Variants in MAPK15 observed in about 807,000 individuals in gnomAD.
MAPK15 encodes mitogen-activated protein kinase 15, also known as ERK-7.
Under a neutral mutation model 60.8 loss-of-function variants are expected in MAPK15, and 61 were observed. That is an observed-to-expected ratio of 1.00 (90% CI 0.82 to 1.24). The LOEUF (loss-of-function observed/expected upper bound fraction) is 1.24. MAPK15 is among the 50% of genes most tolerant of loss of function. The probability of loss-of-function intolerance (pLI) is 0.00; values close to 1 mark genes in which losing one functional copy is unlikely to be tolerated. For missense variants in MAPK15, 808 were observed against 741.1 expected, an observed-to-expected ratio of 1.09 and a Z score of -1.05; for synonymous variants, 356 against 319.9, an observed-to-expected ratio of 1.11 and a Z score of -1.21.
At position 143,721,851 on chromosome 8, in the gene MAPK15, G is replaced by C. The variant is rs376274608; in HGVS notation, c.1429G>C (p.Gly477Arg). ...ALIRGDWNRG[G>R]GVRVASVQQV... Reference sequence around the variant, plus strand: ...GATCCGGGGTGACTGGAACCGGGGCGGTGGGGTGAGGGTGGCCAGCGTACA... The same window carrying C: ...GATCCGGGGTGACTGGAACCGGGGCCGTGGGGTGAGGGTGGCCAGCGTACA... The change falls in exon 13 of 14, where the codon GGT becomes CGT. Residue 477 changes from glycine to arginine, a missense_variant. Coordinates refer to ENST00000338033, the MANE Select transcript of MAPK15 (RefSeq NM_139021.3). 1.9e-5 allele frequency: 30 copies of C among 1,603,576 alleles called. No individual in the cohort carries two copies. In the African/African-American group the frequency reaches 3.6e-4, roughly 19 times the overall value.
intron 1 of MAPK15, 103 bp from the exon 2 acceptor site, chr8:143,717,591 G>A (rs1364213623): frequency 2.4e-5 from 24 of 1,005,524 alleles, no homozygotes; most frequent in Non-Finnish European, 3.5e-5. Context: ...TCCCCTCTCG[G>A]GACCCAGGAT....
intron 5 of MAPK15, 41 bp downstream of exon 5, chr8:143,718,946 CCCGG>C: frequency 6.3e-7 from 1 of 1,597,264 alleles, no homozygotes; most frequent in East Asian, 2.2e-5. Context: ...TGGCCCGGCT[CCCGG>C]CCCCACCCAG....
chr8:143,720,236 T>TCA lies in MAPK15; in HGVS notation c.728_729insCA (p.Ala244ArgfsTer51). On this transcript the variant is annotated frameshift_variant, in exon 8 of 14. Coordinates refer to ENST00000338033, the MANE Select transcript of MAPK15 (RefSeq NM_139021.3). LOFTEE classifies it high-confidence loss of function. This position sits in a 1 kb window ranked among gnomAD's most constrained non-coding sequence, Gnocchi z 4.6. ...CCACCTTCTGCTGCCCCAGACCTCC[T>TCA]GGCTCTCGGCTCAGGCTGCCGTGCC... 1.3e-6 allele frequency: 2 copies of TCA among 1,579,598 alleles called. No individual in the cohort carries two copies. The highest frequency in any genetic ancestry group is 1.7e-4 in the Middle Eastern group (1 of 5,994).
At chr8:143,718,741 C>A in intron 4 of MAPK15, 34 bp from the exon 5 acceptor site, 3 of 1,394,378 alleles carry the variant, frequency 2.2e-6, no homozygotes, top group South Asian at 1.4e-5. Flanking sequence ...CCCCAGCCCC[C>A]CACCCCCGAC....
At chr8:143,719,608 G>C (rs1817968464) in intron 7 of MAPK15, 126 bp downstream of exon 7, 2 of 1,294,260 alleles carry the variant, frequency 1.5e-6, no homozygotes, top group Non-Finnish European at 1.0e-6. Flanking sequence ...AGGATCCAGA[G>C]GATGGGGCAG....
rs1554618783 is a variant in MAPK15 at position 143,718,199 on chromosome 8, ACT to A, written c.196-7_196-6del. On this transcript the variant is annotated splice_polypyrimidine_tract_variant and intron_variant, in intron 3 of 13. Coordinates refer to ENST00000338033, the MANE Select transcript of MAPK15 (RefSeq NM_139021.3). The stretch of plus-strand genomic sequence containing the variant: ...CCTCCTGGCCTTCCAGCCGCCTCCG[ACT>A]CTCTCCCCAGGAGTTTGGGGACCAT... The A allele has an allele frequency of 1.9e-6, 3 of 1,612,824 alleles. No individual in the cohort carries two copies. Among genetic ancestry groups the A allele is most frequent in the South Asian group, 1.1e-5 (1 of 91,002 alleles).
Position 143,720,164 on chromosome 8 carries a change from C to T in MAPK15, c.722-66C>T. On this transcript the variant is annotated intron_variant, in intron 7 of 13. Coordinates refer to ENST00000338033, the MANE Select transcript of MAPK15 (RefSeq NM_139021.3). This position sits in a 1 kb window ranked among gnomAD's most constrained non-coding sequence, Gnocchi z 4.6. ...CTGGGGCTGGAAGAGATGACTGGCC[C>T]CAGATGCCCTGAGCCGCCCCAGCCG... The T allele has an allele frequency of 1.3e-6, 2 of 1,539,086 alleles. No individual in the cohort carries two copies. Among genetic ancestry groups the T allele is most frequent in the South Asian group, 2.4e-5 (2 of 83,910 alleles).
intron 6 of MAPK15, 54 bp from the exon 7 acceptor site, chr8:143,719,289 C>A: frequency 2.6e-6 from 4 of 1,553,560 alleles, no homozygotes. Flanking sequence ...CCAGCAACCC[C>A]ACCCCCACCT....
chr8:143,720,113 G>A lies in MAPK15; in HGVS notation c.722-117G>A, dbSNP rs1554619363. 1 of 1,455,354 alleles carries A rather than the reference G, an allele frequency of 6.9e-7. No individual in the cohort carries two copies. The highest frequency in any genetic ancestry group is 9.2e-7 in the Non-Finnish European group (1 of 1,081,518). 90.2% of individuals were successfully genotyped at this position (1,455,354 alleles called of 1,614,324 possible). A position where few individuals can be genotyped will look rare whatever the true frequency, so the allele number is the denominator to read the frequency against. On this transcript the variant is annotated intron_variant, in intron 7 of 13. Transcript: ENST00000338033. The surrounding 1 kb of genome is among the most constrained non-coding windows in gnomAD (Gnocchi z 4.6). ...GGTGTTTGAGCCCCGCCAGACAGCA[G>A]AAACCCTGTAGAGAGGCTGTGCTCC... is the stretch of plus-strand genomic sequence containing the variant.
At chr8:143,716,540 C>T (rs568984377) in intron 1 of MAPK15, 97 bp downstream of exon 1, 1 of 1,114,016 alleles carries the variant, frequency 9.0e-7, no homozygotes, top group Non-Finnish European at 1.2e-6. Flanking sequence ...AGGCCTGTTC[C>T]GTCACACACT....
intron 4 of MAPK15, chr8:143,718,548 CCT>C (rs2131574353): frequency 1.6e-6 from 1 of 627,310 alleles, no homozygotes; most frequent in African/African-American, 1.8e-5. Context: ...GTTGCGTTCT[CCT>C]TTTTCTTCTC....
Position 143,722,197 on chromosome 8 carries a change from T to G in MAPK15, c.1581T>G (p.Thr527=). 1 of 1,608,368 alleles carries G rather than the reference T, an allele frequency of 6.2e-7. No individual in the cohort carries two copies. The highest frequency in any genetic ancestry group is 1.1e-5 in the South Asian group (1 of 90,748). ...GAGGCTACTCCCAAGCCTACGGGACTGTCTGCCACTCGGCACTGGGCCACC... is the reference window on the plus strand; with the variant it reads ...GAGGCTACTCCCAAGCCTACGGGACGGTCTGCCACTCGGCACTGGGCCACC... ...LLGGYSQAYG[T]VCHSALGHLP... Residue 527 remains threonine, a synonymous_variant, in exon 14 of 14, where the codon ACT becomes ACG. Transcript: ENST00000338033.
chr8:143,722,293 G>T lies in MAPK15; in HGVS notation c.*42G>T. The T allele has an allele frequency of 6.7e-7, 1 of 1,495,986 alleles. No homozygotes were observed. Among genetic ancestry groups the T allele is most frequent in the Non-Finnish European group, 8.9e-7 (1 of 1,119,568 alleles). The allele number at this position is 1,495,986 out of a possible 1,614,324, so 92.7% of individuals were successfully genotyped here. ...CACCTGGCCCTCTGTTCCTGCCCCA[G>T]CCCCTTCCCCAGACCCCTCTCCAGT... is the stretch of plus-strand genomic sequence containing the variant. On this transcript the variant is annotated 3_prime_UTR_variant, in exon 14 of 14. Transcript: ENST00000338033.
chr8:143,719,391 G>A lies in MAPK15; in HGVS notation c.630G>A (p.Glu210=). The change falls in exon 7 of 14, where the codon GAG becomes GAA. Residue 210 remains glutamate (E), a synonymous_variant. Coordinates refer to ENST00000338033, the MANE Select transcript of MAPK15 (RefSeq NM_139021.3). The part of the protein sequence containing the change: ...DMWSLGCILG[E]MLRGRPLFPG... ...GGAGTCTGGGCTGTATCCTGGGGGAGATGCTGCGGGGGAGACCCCTGTTCC... is the reference window on the plus strand; with the variant it reads ...GGAGTCTGGGCTGTATCCTGGGGGAAATGCTGCGGGGGAGACCCCTGTTCC... The A allele has an allele frequency of 6.2e-7, 1 of 1,611,590 alleles. No individual in the cohort carries two copies. The highest frequency in any genetic ancestry group is 8.5e-7 in the Non-Finnish European group (1 of 1,178,926).
At chr8:143,721,192 C>G in intron 10 of MAPK15, 39 bp from the exon 11 acceptor site, 1 of 1,595,912 alleles carries the variant, frequency 6.3e-7, no homozygotes, top group Non-Finnish European at 8.5e-7. Context: ...ACGCCCCATG[C>G]CCAGGCTGTG....
Position 143,720,797 on chromosome 8 carries a change from C to T in MAPK15, c.874C>T (p.Arg292Trp), listed in dbSNP as rs185466475. The change falls in exon 9 of 14, where the codon CGG becomes TGG. Residue 292 changes from arginine (R) to tryptophan (W), a missense_variant. By Grantham distance (101) the Arg-to-Trp change is moderately radical. Coordinates refer to ENST00000338033, the MANE Select transcript of MAPK15 (RefSeq NM_139021.3). The surrounding 1 kb of genome is among the most constrained non-coding windows in gnomAD (Gnocchi z 4.6). ...ACTCCTGGTGTTCGCCCCGGACAAG[C>T]GGTTAAGCGCGACCCAGGCACTGCA... ...RRLLVFAPDK[R>W]LSATQALQHP... The T allele has an allele frequency of 1.3e-4, 203 of 1,613,600 alleles. No individual in the cohort carries two copies. In the Admixed American group the frequency reaches 1.5e-3, roughly 12 times the overall value.
chr8:143,718,727 G>GGGCCCCCCCCCCCCCCCCCC, intron 4 of MAPK15, 48 bp from the exon 5 acceptor site: 1 of 514,516 alleles, frequency 1.9e-6, no homozygotes, highest in Non-Finnish European at 3.2e-6. Context: ...CCCCCAGGTT[G>GGGCCCCCCCCCCCCCCCCCC]CCCCCCCAGC....
Position 143,718,979 on chromosome 8 carries a change from C to T in MAPK15, c.418-14C>T, listed in dbSNP as rs781888646. 3 of 1,603,854 alleles carry T rather than the reference C, an allele frequency of 1.9e-6. No individual in the cohort carries two copies. The highest frequency in any genetic ancestry group is 2.2e-5 in the South Asian group (2 of 89,916). ...CACCCAGCCCCGGGGCCTCAGCCTG[C>T]CTCCTCTCTGCAGCCGTCCAATGTG... On this transcript the variant is annotated splice_polypyrimidine_tract_variant and intron_variant, in intron 5 of 13. Transcript: ENST00000338033.
Position 143,718,245 on chromosome 8 carries a change from C to T in MAPK15, c.229C>T (p.Leu77Phe), listed in dbSNP as rs150084866. 25 of 1,614,076 alleles carry T rather than the reference C, an allele frequency of 1.5e-5. No homozygotes were observed. The highest frequency in any genetic ancestry group is 1.8e-5 in the Non-Finnish European group (21 of 1,180,044). Residue 77 changes from leucine to phenylalanine, a missense_variant, in exon 4 of 14, where the codon CTT becomes TTT. Leu to Phe is a conservative substitution (Grantham distance 22). Coordinates refer to ENST00000338033, the MANE Select transcript of MAPK15 (RefSeq NM_139021.3). ...FGDHPNIISL[L>F]DVIRAENDRD... ...GGACCATCCCAACATCATCAGCCTCCTTGACGTGATCCGGGCAGAGAACGA... is the reference window on the plus strand; with the variant it reads ...GGACCATCCCAACATCATCAGCCTCTTTGACGTGATCCGGGCAGAGAACGA...
Sources: gnomAD v4.1 joint callset for allele counts on GRCh38, gnomAD v4.1.1 for gene constraint, Gnocchi (gnomAD v3.1) non-coding constraint, MANE v1.5 for transcripts, NCBI Gene and HGNC (gene_info 2026-07-23, HGNC 2026-07-21) for gene names.